Variants in RBM25 observed in about 807,000 individuals in gnomAD.
The protein encoded by RBM25 is RNA-binding protein 25.
RBM25 carries 19 observed loss-of-function variants against 120.7 expected under a neutral mutation model. The observed-to-expected ratio is 0.16, with a 90% CI of 0.11 to 0.23. RBM25 has a LOEUF of 0.23. Ranked by LOEUF, RBM25 falls within the 10% of genes least tolerant of loss-of-function variation. The pLI, the probability that RBM25 is intolerant of heterozygous loss-of-function variation, is 1.00. For missense variants in RBM25, 605 were observed against 1,041.5 expected, an observed-to-expected ratio of 0.58 and a Z score of 5.77; for synonymous variants, 390 against 326.7, an observed-to-expected ratio of 1.19 and a Z score of -2.09.
chr14:73,114,286 GT>G lies in RBM25; in HGVS notation c.2394del (p.Met799TrpfsTer10). 6.5e-7 allele frequency: 1 copy of G among 1,549,006 alleles called. No individual in the cohort carries two copies. Among genetic ancestry groups the G allele is most frequent in the Non-Finnish European group, 8.7e-7 (1 of 1,145,196 alleles). ...ATLVDFVCSK[V>X]MAHSSPQSIL... ...TGTGACAATTATTTTTCTCTTTTAG[GT>G]TATGGCTCATAGTTCACCCCAGAGC... On this transcript the variant is annotated frameshift_variant and splice_region_variant, in exon 18 of 19. Transcript: ENST00000261973. LOFTEE classifies it high-confidence loss of function.
intron 1 of RBM25, among the ~76,000 whole-genome samples, chr14:73,068,815 C>T (rs532056823): frequency 4.3e-4 from 66 of 151,872 alleles, no homozygotes; most frequent in African/African-American, 1.6e-3. Context: ...ACCTTGTGAT[C>T]CACCCACCTC....
chr14:73,100,484 T>C lies in RBM25; in HGVS notation c.867+734T>C. The C allele has an allele frequency of 1.0e-5, 5 of 492,078 alleles. 1 individual carries two copies. In the South Asian group the frequency reaches 1.7e-4, roughly 16 times the overall value. 30.5% of individuals were successfully genotyped at this position (492,078 alleles called of 1,614,324 possible). Reference sequence around the variant, plus strand: ...GTAAATCCCACTCACGAGTTTTGCCTATTTGAAGCTTCTCTCAATGACAGT... The same window carrying C: ...GTAAATCCCACTCACGAGTTTTGCCCATTTGAAGCTTCTCTCAATGACAGT... On this transcript the variant is annotated intron_variant, in intron 9 of 18. Transcript: ENST00000261973.
chr14:73,063,810 T>G (rs1482487362), intron 1 of RBM25, among the ~76,000 whole-genome samples: 1 of 151,512 alleles, frequency 6.6e-6, no homozygotes, highest in Non-Finnish European at 1.5e-5. Flanking sequence ...TCAGAAACTC[T>G]TCAAATGATT....
rs1895263910 is a variant in RBM25 at position 73,070,647 on chromosome 14, TGATA to T, written c.-15-975_-15-972del. ...TTGGTACCTTTAGTTTTTAGGATTC[TGATA>T]GATATAAGAAAAATGGGCCGGGCGC... On this transcript the variant is annotated intron_variant, in intron 1 of 18. Coordinates refer to ENST00000261973, the MANE Select transcript of RBM25 (RefSeq NM_021239.3). 3.3e-5 allele frequency among the ~76,000 whole-genome samples: 5 copies of T among 152,178 alleles called. No individual in the cohort carries two copies. The South Asian group carries it at 8.3e-4, about 25-fold the overall frequency.
chr14:73,112,812 T>C (rs892520076), intron 17 of RBM25, among the ~76,000 whole-genome samples: 12 of 152,086 alleles, frequency 7.9e-5, no homozygotes, highest in Non-Finnish European at 1.5e-4. Context: ...TTGTTTTTGT[T>C]TTTTCTTTTG....
At chr14:73,105,038 T>TACACACACACACAC (rs57281649) in intron 10 of RBM25, among the ~76,000 whole-genome samples, 5,527 of 141,116 alleles carry the variant, frequency 0.039, 152 homozygotes, top group African/African-American at 0.057. Flanking sequence ...ACATATTAAA[T>TACACACACACACAC]ACACACACAC....
chr14:73,099,651 G>C lies in RBM25; in HGVS notation c.784-16G>C, dbSNP rs1896020271. ...GTGTTCTTTATTCATTCCCTCCTGT[G>C]CCCGTTTTCTTTTAGGAGGATATAA... On this transcript the variant is annotated splice_polypyrimidine_tract_variant and intron_variant, in intron 8 of 18. Transcript: ENST00000261973. 1 of 1,591,650 alleles carries C rather than the reference G, an allele frequency of 6.3e-7. No individual in the cohort carries two copies. Among genetic ancestry groups the C allele is most frequent in the African/African-American group, 1.4e-5 (1 of 73,332 alleles).
At chr14:73,097,204 T>TTTC in intron 7 of RBM25, 104 bp downstream of exon 7, 2 of 744,804 alleles carry the variant, frequency 2.7e-6, no homozygotes, top group African/African-American at 2.4e-5. Flanking sequence ...TTCTTTTTTT[T>TTTC]TTTTTTTTTT....
At chr14:73,100,929 G>A (rs778670299) in intron 9 of RBM25, 12 of 152,148 alleles carry the variant, frequency 7.9e-5, no homozygotes, top group Non-Finnish European at 1.5e-4. Context: ...ATTCAGGACC[G>A]AGTAAGCTTA....
chr14:73,088,038 C>G lies in RBM25; in HGVS notation c.420C>G (p.Thr140=), dbSNP rs757750287. 1 of 1,613,998 alleles carries G rather than the reference C, an allele frequency of 6.2e-7. No individual in the cohort carries two copies. The highest frequency in any genetic ancestry group is 8.5e-7 in the Non-Finnish European group (1 of 1,179,994). The change falls in exon 6 of 19, where the codon ACC becomes ACG. Residue 140 remains threonine (T), a synonymous_variant. Transcript: ENST00000261973. The part of the protein sequence containing the change: ...GFCEYKEPES[T]LRALRLLHDL... ...GTGAGTACAAGGAGCCAGAATCTAC[C>G]CTCCGTGCACTCAGATTATTACATG...
intron 2 of RBM25, among the ~76,000 whole-genome samples, chr14:73,073,431 T>TA (rs1388127723): frequency 2.0e-5 from 3 of 152,184 alleles, no homozygotes; most frequent in African/African-American, 7.2e-5. Context: ...CTCACGCCTG[T>TA]AACCTCAGAA....
intron 4 of RBM25, among the ~76,000 whole-genome samples, chr14:73,081,663 CT>C (rs1206027660): frequency 6.6e-6 from 1 of 152,156 alleles, no homozygotes; most frequent in Non-Finnish European, 1.5e-5. Context: ...TGGTTGGTAA[CT>C]TTTCTGAATC....
At chr14:73,114,215 C>A in intron 17 of RBM25, 71 bp from the exon 18 acceptor site, 1 of 1,120,996 alleles carries the variant, frequency 8.9e-7, no homozygotes, top group Non-Finnish European at 1.3e-6. Flanking sequence ...AGGATTCATA[C>A]CTTAAAATTT....
chr14:73,074,003 A>G (rs1413423525), intron 2 of RBM25, among the ~76,000 whole-genome samples: 1 of 152,236 alleles, frequency 6.6e-6, no homozygotes, highest in Non-Finnish European at 1.5e-5. Flanking sequence ...TTTTCTTAAA[A>G]TGAATTTTGC....
chr14:73,077,273 T>C (rs915900767), intron 3 of RBM25, 96 bp from the exon 4 acceptor site: 2 of 1,066,264 alleles, frequency 1.9e-6, no homozygotes, highest in South Asian at 1.6e-5. Context: ...TAATGTGCTA[T>C]ATATATTTAT....
Position 73,076,372 on chromosome 14 carries a change from A to G in RBM25, c.156+4A>G. The G allele has an allele frequency of 6.2e-7, 1 of 1,608,190 alleles. No homozygotes were observed. The stretch of plus-strand genomic sequence containing the variant: ...CATTATGGCTCCTGCTCCAACTGTA[A>G]GTATAACTTAAAGGAGGAATCATGA... On this transcript the variant is annotated splice_donor_region_variant and intron_variant, in intron 3 of 18. Transcript: ENST00000261973.
Position 73,111,138 on chromosome 14 carries a change from G to A in RBM25, c.2000G>A (p.Gly667Glu), listed in dbSNP as rs201607224. 3.1e-6 allele frequency: 5 copies of A among 1,610,180 alleles called. No individual in the cohort carries two copies. The East Asian group carries it at 1.1e-4, about 36-fold the overall frequency. ...CCTGAGGAGCATAGGCCAAAAATAG[G>A]ACTAAGTCTTAAACTGGGTACGTTA... Reference protein sequence around the residue: ...QQPEEHRPKIGLSLKLGASNS... With the variant: ...QQPEEHRPKIELSLKLGASNS... The change falls in exon 15 of 19, where the codon GGA becomes GAA. Residue 667 changes from glycine (G) to glutamate (E), a missense_variant. This residue lies in a region of RBM25 where 465 missense variants were observed against 741.6 expected (regional missense o/e 0.63). Transcript: ENST00000261973.
At chr14:73,116,431 T>C (rs1165643374) in intron 18 of RBM25, among the ~76,000 whole-genome samples, 1 of 152,236 alleles carries the variant, frequency 6.6e-6, no homozygotes, top group East Asian at 1.9e-4. Context: ...GTCTAGCTGC[T>C]TTGTGTCCAG....
intron 9 of RBM25, chr14:73,101,807 T>C (rs1896061775): frequency 1.3e-5 from 2 of 152,214 alleles, no homozygotes; most frequent in Non-Finnish European, 2.9e-5. Flanking sequence ...TTATATAGTC[T>C]AGCCTCATTT....
Sources: gnomAD v4.1 joint callset for allele counts (sites outside exome capture counted in the v4.1 genomes callset) on GRCh38, gnomAD v4.1.1 for gene constraint, gnomAD v4.1.1 regional missense constraint, MANE v1.5 for transcripts, NCBI Gene and HGNC (gene_info 2026-07-23, HGNC 2026-07-21) for gene names.